The following LZTFL1 variants were observed in gnomAD, a reference collection of about 807,000 sequenced individuals.
LZTFL1 encodes leucine zipper transcription factor-like protein 1.
Under a neutral mutation model 45.9 loss-of-function variants are expected in LZTFL1, and 25 were observed. The observed-to-expected ratio is 0.54, with a 90% CI of 0.40 to 0.76. The LOEUF (loss-of-function observed/expected upper bound fraction) is 0.76, where lower values mean the gene tolerates loss of function less well. Among genes scored for constraint, LZTFL1 ranks in the 30% least tolerant of loss-of-function variants. The probability of loss-of-function intolerance (pLI) is 0.00; values close to 1 mark genes in which losing one functional copy is unlikely to be tolerated. For synonymous variants in LZTFL1, 93 were observed against 117.4 expected (o/e 0.79, Z 1.35); for missense variants, 277 against 331.1 (o/e 0.84, Z 1.27).
intron 9 of LZTFL1, among the ~76,000 whole-genome samples, chr3:45,826,830 T>C (rs1482880102): frequency 6.6e-6 from 1 of 152,218 alleles, no homozygotes; most frequent in Non-Finnish European, 1.5e-5. Context: ...GGTTTCCCCC[T>C]GTGCGATGAG....
At chr3:45,841,738 G>A (rs1317924309) in intron 1 of LZTFL1, 2 of 586,818 alleles carry the variant, frequency 3.4e-6, no homozygotes, top group Non-Finnish European at 6.1e-6. Flanking sequence ...CCCGCAGGCA[G>A]GAGAGAAACG....
At chr3:45,884,648 C>T (rs904212629) in intron 2 of LZTFL1, among the ~76,000 whole-genome samples, 1 of 152,128 alleles carries the variant, frequency 6.6e-6, no homozygotes, top group African/African-American at 2.4e-5. Flanking sequence ...CAGTGTCTAC[C>T]TTGTATGCTC....
At chr3:45,915,606 G>A (rs1372078025) in exon 1 of LZTFL1, 7 of 437,708 alleles carry the variant, frequency 1.6e-5, no homozygotes, top group Non-Finnish European at 3.2e-5. Flanking sequence ...TTTTGGTAAG[G>A]ACACTCATGC....
intron 2 of LZTFL1, among the ~76,000 whole-genome samples, chr3:45,907,900 G>T (rs1702712330): frequency 6.6e-6 from 1 of 152,214 alleles, no homozygotes; most frequent in Non-Finnish European, 1.5e-5. Flanking sequence ...TCTAGCATTT[G>T]CATGATGTTA....
Position 45,824,738 on chromosome 3 carries a change from T to A in LZTFL1, c.*1576A>T. The A allele has an allele frequency of 2.5e-6, 1 of 397,904 alleles. No homozygotes were observed. Among genetic ancestry groups the A allele is most frequent in the East Asian group, 3.6e-5 (1 of 28,028 alleles). The allele number at this position is 397,904 out of a possible 1,614,324, so 24.6% of individuals were successfully genotyped here. A position where few individuals can be genotyped will look rare whatever the true frequency, so the allele number is the denominator to read the frequency against. ...CCAAGAGTTCTGCTTCTGAATTACA[T>A]AGAACATCTTGGTCCACAGACAATG... is the stretch of plus-strand genomic sequence containing the variant. On this transcript the variant is annotated 3_prime_UTR_variant, in exon 10 of 10. Transcript: ENST00000296135.
rs115300339 is a variant in LZTFL1 at position 45,907,903 on chromosome 3, T to C, written c.-215+5217A>G. ...GAGAGCTGCGTCTCTAGCATTTGCA[T>C]GATGTTATGACAGTCTTTGAGGCCA... On this transcript the variant is annotated intron_variant, in intron 2 of 4. Coordinates refer to the LZTFL1 transcript ENST00000472635. 7.0e-3 allele frequency among the ~76,000 whole-genome samples: 1,073 copies of C among 152,318 alleles called. 6 individuals are homozygous for C. Among genetic ancestry groups the C allele is most frequent in the African/African-American group, 0.022 (896 of 41,578 alleles).
At position 45,833,498 on chromosome 3, in the gene LZTFL1, A is replaced by G. The variant is rs1700885122; in HGVS notation, c.385-377T>C. Among the ~76,000 whole-genome samples the G allele has an allele frequency of 3.9e-5, 6 of 152,236 alleles. No homozygotes were observed. The South Asian group carries it at 1.2e-3, about 31-fold the overall frequency. ...TGTGGGAGCTGAAACAGTGATTTCTACATGAACCTTAGACTCTGTGAAAAA... is the reference window on the plus strand; with the variant it reads ...TGTGGGAGCTGAAACAGTGATTTCTGCATGAACCTTAGACTCTGTGAAAAA... On this transcript the variant is annotated intron_variant, in intron 4 of 9. Transcript: ENST00000296135.
At chr3:45,888,225 CCT>C (rs1342078914) in intron 2 of LZTFL1, among the ~76,000 whole-genome samples, 1 of 152,198 alleles carries the variant, frequency 6.6e-6, no homozygotes, top group Non-Finnish European at 1.5e-5. Context: ...GACTTTCATG[CCT>C]TAGTGCATAT....
At chr3:45,880,481 G>A (rs759400866) in intron 2 of LZTFL1, among the ~76,000 whole-genome samples, 3 of 151,972 alleles carry the variant, frequency 2.0e-5, no homozygotes, top group Non-Finnish European at 2.9e-5. Context: ...CAGCCTGGGC[G>A]ACAGAGCAAG....
intron 2 of LZTFL1, among the ~76,000 whole-genome samples, chr3:45,864,696 T>C (rs1311848105): frequency 1.3e-5 from 2 of 152,170 alleles, no homozygotes; most frequent in African/African-American, 4.8e-5. Context: ...TATCATTAAT[T>C]ATTAAAAGAA....
upstream of LZTFL1, among the ~76,000 whole-genome samples, chr3:45,845,071 C>A (rs1197438630): frequency 2.0e-5 from 3 of 152,178 alleles, no homozygotes; most frequent in African/African-American, 7.2e-5. Context: ...GTGGGGAATA[C>A]CTTCTTGTAA....
chr3:45,841,935 C>T (rs1018152713), intron 1 of LZTFL1, 54 bp downstream of exon 1: 93 of 1,600,852 alleles, frequency 5.8e-5, no homozygotes, highest in Non-Finnish European at 7.7e-5. Flanking sequence ...TGTCTCCAGC[C>T]CCGGCCGCGC....
chr3:45,833,773 G>T (rs982640256), intron 4 of LZTFL1, among the ~76,000 whole-genome samples: 2 of 152,170 alleles, frequency 1.3e-5, no homozygotes, highest in Middle Eastern at 3.2e-3. Context: ...AAGTGGAATG[G>T]TAAGTGGCCA....
intron 2 of LZTFL1, among the ~76,000 whole-genome samples, chr3:45,895,703 G>A (rs568180634): frequency 1.3e-5 from 2 of 148,930 alleles, no homozygotes; most frequent in African/African-American, 2.5e-5. Context: ...AACAGAGCGA[G>A]ACTCTGTCTT....
Position 45,835,618 on chromosome 3 carries a change from G to C in LZTFL1, c.295C>G (p.Gln99Glu). 1.9e-6 allele frequency: 3 copies of C among 1,614,098 alleles called. No homozygotes were observed. The highest frequency in any genetic ancestry group is 2.5e-6 in the Non-Finnish European group (3 of 1,179,988). ...AQAEKWYLKL[Q>E]TDISELENRE... Reference sequence around the variant, plus strand: ...TTTTCAAGTTCAGAGATGTCTGTCTGTAGCTTAAGATACCACTTCTCAGCT... The same window carrying C: ...TTTTCAAGTTCAGAGATGTCTGTCTCTAGCTTAAGATACCACTTCTCAGCT... The change falls in exon 3 of 10, where the codon CAG becomes GAG. Residue 99 changes from glutamine to glutamate, a missense_variant. By Grantham distance (29) the Gln-to-Glu change is conservative (BLOSUM62 2). Coordinates refer to ENST00000296135, the MANE Select transcript of LZTFL1 (RefSeq NM_020347.4).
At chr3:45,891,724 G>T (rs139457074) in intron 2 of LZTFL1, among the ~76,000 whole-genome samples, 65 of 152,082 alleles carry the variant, frequency 4.3e-4, no homozygotes, top group African/African-American at 1.5e-3. Flanking sequence ...CCAAATCCAG[G>T]TTCTTGCCTT....
At chr3:45,898,432 T>G (rs17078408) in intron 2 of LZTFL1, among the ~76,000 whole-genome samples, 17,899 of 152,294 alleles carry the variant, frequency 0.12, 3,163 homozygotes, top group African/African-American at 0.38. Context: ...TGAAATGGAT[T>G]AATCAAGCCA....
chr3:45,877,320 G>A (rs1259990261), intron 2 of LZTFL1, among the ~76,000 whole-genome samples: 1 of 147,862 alleles, frequency 6.8e-6, no homozygotes, highest in East Asian at 2.0e-4. Flanking sequence ...CACAACCTCC[G>A]CCTCCCAGGT....
At chr3:45,894,464 G>A (rs574531706) in intron 2 of LZTFL1, among the ~76,000 whole-genome samples, 10 of 152,286 alleles carry the variant, frequency 6.6e-5, no homozygotes, top group African/African-American at 2.4e-4. Context: ...GTTAGCTTCG[G>A]TGAGTCCCTT....
Sources: gnomAD v4.1 joint callset for allele counts (sites outside exome capture counted in the v4.1 genomes callset) on GRCh38, gnomAD v4.1.1 for gene constraint, MANE v1.5 for transcripts, NCBI Gene and HGNC (gene_info 2026-07-23, HGNC 2026-07-21) for gene names.